PCDHGA5: variants seen among roughly 807,000 people sequenced by gnomAD.
PCDHGA5 encodes protocadherin gamma subfamily A, 5.
In PCDHGA5, 36 loss-of-function variants were observed where a neutral mutation model predicts 56.7. That is an observed-to-expected ratio of 0.64 (90% confidence interval 0.49 to 0.84). PCDHGA5 has a LOEUF of 0.84. Ranked by LOEUF, PCDHGA5 falls within the 40% of genes least tolerant of loss-of-function variation. PCDHGA5 has a pLI of 0.00. For synonymous variants in PCDHGA5, 563 were observed against 520.2 expected, an observed-to-expected ratio of 1.08 and a Z score of -1.12; for missense variants, 1,305 against 1,201.5, an observed-to-expected ratio of 1.09 and a Z score of -1.27.
At position 141,476,744 on chromosome 5, in the gene PCDHGA5, CT is replaced by C; in HGVS notation, c.2422-18062del. ...CCTGGACCGAGAACGGGAGCCTAGT[CT>C]CCAGTTAGTGCTGACGGCGTTGGAC... is the stretch of plus-strand genomic sequence containing the variant. On this transcript the variant is annotated intron_variant, in intron 1 of 3. Coordinates refer to ENST00000518069, the MANE Select transcript of PCDHGA5 (RefSeq NM_018918.3). The surrounding 1 kb of genome is among the most constrained non-coding windows in gnomAD (Gnocchi z 7.6). 6.2e-7 allele frequency: 1 copy of C among 1,614,046 alleles called. No homozygotes were observed. Among genetic ancestry groups the C allele is most frequent in the East Asian group, 2.2e-5 (1 of 44,884 alleles).
chr5:141,413,263 G>A, intron 1 of PCDHGA5: 1 of 1,613,940 alleles, frequency 6.2e-7, no homozygotes, highest in Admixed American at 1.7e-5. Flanking sequence ...TCCATGGGAG[G>A]CTGGAGCCCG....
chr5:141,417,111 G>A (rs1014827063), intron 1 of PCDHGA5: 13 of 152,012 alleles, frequency 8.6e-5, no homozygotes, highest in African/African-American at 2.7e-4. Context: ...AAGCAATACA[G>A]GACACCCTGG....
intron 3 of PCDHGA5, among the ~76,000 whole-genome samples, chr5:141,509,450 C>A (rs2099876883): frequency 6.6e-6 from 1 of 152,128 alleles, no homozygotes; most frequent in Non-Finnish European, 1.5e-5. Context: ...CCTCTCCCAC[C>A]CCCGACCCAG....
In PCDHGA5 at chr5:141,505,598, C is replaced by T. The variant is rs532473064; in HGVS notation, c.2569+117C>T. The T allele has an allele frequency of 1.4e-3, 2,157 of 1,556,732 alleles. 3 individuals are homozygous for T. Among genetic ancestry groups the T allele is most frequent in the Non-Finnish European group, 1.8e-3 (2,025 of 1,148,246 alleles). ...ACCTGTGTAGTTTCTCCAGATCTTT[C>T]GGCAGGTCTGAAAGGACCCACAATT... On this transcript the variant is annotated intron_variant, in intron 3 of 3. Coordinates refer to ENST00000518069, the MANE Select transcript of PCDHGA5 (RefSeq NM_018918.3).
At position 141,487,147 on chromosome 5, in the gene PCDHGA5, T is replaced by C; in HGVS notation, c.2422-7660T>C. 1 of 1,614,122 alleles carries C rather than the reference T, an allele frequency of 6.2e-7. No individual in the cohort carries two copies. Among genetic ancestry groups the C allele is most frequent in the Non-Finnish European group, 8.5e-7 (1 of 1,179,952 alleles). On this transcript the variant is annotated intron_variant, in intron 1 of 3. Transcript: ENST00000518069. This position sits in a 1 kb window ranked among gnomAD's most constrained non-coding sequence, Gnocchi z 5.0. ...GTGGTAGTCCACCACTCTCTACCTC[T>C]GTTACTCTCTTAGTGTCCTTAGAGG...
chr5:141,421,505 G>A (rs745883683), intron 1 of PCDHGA5: 3 of 1,614,058 alleles, frequency 1.9e-6, no homozygotes, highest in South Asian at 1.1e-5. Context: ...AGGATAGACC[G>A]GGAGGAGCTC....
intron 1 of PCDHGA5, chr5:141,409,600 G>T (rs778681839): frequency 6.8e-6 from 11 of 1,613,882 alleles, no homozygotes; most frequent in Admixed American, 1.7e-5. Flanking sequence ...AGAACAACCC[G>T]CCAGGAGCCT....
chr5:141,464,260 G>A (rs546781463), intron 1 of PCDHGA5, among the ~76,000 whole-genome samples: 1 of 131,668 alleles, frequency 7.6e-6, no homozygotes, highest in Non-Finnish European at 1.6e-5. Flanking sequence ...GCGAGACTCC[G>A]TCTAAAAAAA....
In PCDHGA5 at chr5:141,476,962, C is replaced by A. The variant is rs2099402286; in HGVS notation, c.2422-17845C>A. On this transcript the variant is annotated intron_variant, in intron 1 of 3. Coordinates refer to ENST00000518069, the MANE Select transcript of PCDHGA5 (RefSeq NM_018918.3). This position sits in a 1 kb window ranked among gnomAD's most constrained non-coding sequence, Gnocchi z 7.6. ...GCCCCAACGGTGAAATTATTTACTCCTTCGGCAGCCACAACCGCGCCGGCG... is the reference window on the plus strand; with the variant it reads ...GCCCCAACGGTGAAATTATTTACTCATTCGGCAGCCACAACCGCGCCGGCG... 2 of 1,614,200 alleles carry A rather than the reference C, an allele frequency of 1.2e-6. No individual in the cohort carries two copies. The highest frequency in any genetic ancestry group is 1.7e-6 in the Non-Finnish European group (2 of 1,180,042).
chr5:141,460,624 T>TA (rs1464862917), intron 1 of PCDHGA5, among the ~76,000 whole-genome samples: 2 of 152,128 alleles, frequency 1.3e-5, no homozygotes, highest in African/African-American at 4.8e-5. Context: ...GATAGACAGA[T>TA]ACAGATATAT....
chr5:141,485,193 G>T lies in PCDHGA5; in HGVS notation c.2422-9614G>T. The T allele has an allele frequency of 6.2e-7, 1 of 1,613,988 alleles. No homozygotes were observed. Among genetic ancestry groups the T allele is most frequent in the Non-Finnish European group, 8.5e-7 (1 of 1,179,852 alleles). The stretch of plus-strand genomic sequence containing the variant: ...GCAGCAATGCTCCGCAAGGTGAGAA[G>T]CTGGACAGAAATCTGGCGGTGGGCT... On this transcript the variant is annotated intron_variant, in intron 1 of 3. Transcript: ENST00000518069. The surrounding 1 kb of genome is among the most constrained non-coding windows in gnomAD (Gnocchi z 5.7).
rs765376157 is a variant in PCDHGA5 at position 141,486,033 on chromosome 5, A to G, written c.2422-8774A>G. 4.3e-6 allele frequency: 7 copies of G among 1,614,148 alleles called. No individual in the cohort carries two copies. The highest frequency in any genetic ancestry group is 5.9e-6 in the Non-Finnish European group (7 of 1,180,014). ...TTTTATTTCAGTGGTCATACCCCTG[A>G]TCGTGTAAGAAACCTCTTTAGCCTG... On this transcript the variant is annotated intron_variant, in intron 1 of 3. Transcript: ENST00000518069. This position sits in a 1 kb window ranked among gnomAD's most constrained non-coding sequence, Gnocchi z 5.0.
At chr5:141,396,974 T>C (rs947865597) in intron 1 of PCDHGA5, among the ~76,000 whole-genome samples, 3 of 152,218 alleles carry the variant, frequency 2.0e-5, no homozygotes, top group Admixed American at 6.5e-5. Flanking sequence ...CCTAAAAATG[T>C]TGGCTAGTTG....
rs915257485 is a variant in PCDHGA5, at chr5:141,476,018, A to T, written c.2422-18789A>T. ...AACGGCATCCAGAAAGCCATGTCGG[A>T]CTCGGCGCCCAGCGCCCAAGCGCTA... On this transcript the variant is annotated intron_variant, in intron 1 of 3. Transcript: ENST00000518069. This position sits in a 1 kb window ranked among gnomAD's most constrained non-coding sequence, Gnocchi z 7.6. The T allele has an allele frequency of 5.8e-6, 8 of 1,371,412 alleles. No homozygotes were observed. Among genetic ancestry groups the T allele is most frequent in the Non-Finnish European group, 7.9e-6 (8 of 1,016,908 alleles). The allele number at this position is 1,371,412 out of a possible 1,614,324, so 85.0% of individuals were successfully genotyped here.
intron 1 of PCDHGA5, among the ~76,000 whole-genome samples, chr5:141,401,503 C>T (rs755118621): frequency 6.6e-6 from 1 of 151,946 alleles, no homozygotes; most frequent in Non-Finnish European, 1.5e-5. Context: ...AATCCTTTTC[C>T]ACCTCTATAT....
At chr5:141,390,352 A>C (rs1340044054) in intron 1 of PCDHGA5, 1 of 1,557,524 alleles carries the variant, frequency 6.4e-7, no homozygotes, top group African/African-American at 1.4e-5. Context: ...GAAAATATAC[A>C]TATTTGCAGG....
At chr5:141,460,872 T>C (rs2098999714) in intron 1 of PCDHGA5, among the ~76,000 whole-genome samples, 1 of 151,064 alleles carries the variant, frequency 6.6e-6, no homozygotes, top group South Asian at 2.1e-4. Flanking sequence ...GCAAAGGACA[T>C]TATTTCATGC....
intron 1 of PCDHGA5, chr5:141,383,335 A>G (rs768493481): frequency 3.1e-6 from 5 of 1,613,892 alleles, no homozygotes; most frequent in Non-Finnish European, 4.2e-6. Flanking sequence ...AATGGAGAAT[A>G]CAGCTCCTGG....
intron 1 of PCDHGA5, chr5:141,384,574 C>G (rs1229577686): frequency 1.9e-6 from 3 of 1,614,228 alleles, no homozygotes; most frequent in South Asian, 1.1e-5. Flanking sequence ...GAATGACAAC[C>G]CGCCCGAGAT....
Sources: allele counts gnomAD v4.1 joint callset (sites outside exome capture counted in the v4.1 genomes callset), GRCh38; gene constraint gnomAD v4.1.1; non-coding constraint Gnocchi (gnomAD v3.1); transcripts MANE v1.5; gene names NCBI Gene and HGNC (gene_info 2026-07-23, HGNC 2026-07-21).